DNAJB1: variants seen among roughly 807,000 people sequenced by gnomAD.
DNAJB1 encodes dnaJ homolog subfamily B member 1.
DNAJB1 carries 14 observed loss-of-function variants against 24.0 expected under a neutral mutation model. That is an observed-to-expected ratio of 0.58 (90% CI 0.39 to 0.91). DNAJB1 has a LOEUF of 0.91. DNAJB1 is among the 40% of genes least tolerant of loss of function. DNAJB1 has a pLI of 0.00. For synonymous variants in DNAJB1, 262 were observed against 174.4 expected, an observed-to-expected ratio of 1.50 and a Z score of -3.96; for missense variants, 517 against 458.1, an observed-to-expected ratio of 1.13 and a Z score of -1.17.
At chr19:14,539,010 G>A (rs1289473980) in intron 1 of DNAJB1, among the ~76,000 whole-genome samples, 1 of 144,792 alleles carries the variant, frequency 6.9e-6, no homozygotes, top group Non-Finnish European at 1.5e-5. Context: ...GTCTCGCTCC[G>A]TCACCCAGGC....
chr19:14,524,794 C>T lies in DNAJB1; in HGVS notation c.-90+2932G>A, dbSNP rs933848403. Among the ~76,000 whole-genome samples the T allele has an allele frequency of 1.1e-3, 147 of 136,746 alleles. 1 individual carries two copies. Among genetic ancestry groups the T allele is most frequent in the African/African-American group, 4.1e-3 (142 of 34,622 alleles). 89.7% of individuals were successfully genotyped at this position (136,746 alleles called of 152,430 possible). ...CTAGGAGGTGGAGGTTGCAATGAGC[C>T]GAGATGGTGCCACTGCACTCCAGCC... On this transcript the variant is annotated intron_variant, in intron 2 of 3. Coordinates refer to the DNAJB1 transcript ENST00000396969.
chr19:14,518,504 A>C, upstream of DNAJB1: 7 of 522,778 alleles, frequency 1.3e-5, no homozygotes, highest in Non-Finnish European at 1.7e-5. Context: ...GCGCCGGCCA[A>C]TCGCCGCCGC....
intron 1 of DNAJB1, chr19:14,545,068 T>C: frequency 2.2e-6 from 1 of 456,646 alleles, no homozygotes; most frequent in Admixed American, 2.4e-5. Context: ...CTCTCACCAC[T>C]GTCTCTGAAG....
At chr19:14,516,248 G>T in intron 2 of DNAJB1, 78 bp from the exon 3 acceptor site, 2 of 1,508,996 alleles carry the variant, frequency 1.3e-6, no homozygotes, top group Non-Finnish European at 1.8e-6. Flanking sequence ...GTCTGCCATA[G>T]ATAAGACCCA....
At chr19:14,549,421 C>G (rs953423776) in intron 1 of DNAJB1, among the ~76,000 whole-genome samples, 1 of 151,944 alleles carries the variant, frequency 6.6e-6, no homozygotes, top group African/African-American at 2.4e-5. Context: ...CCATATTGGC[C>G]AGGCTAGTCT....
intron 2 of DNAJB1, among the ~76,000 whole-genome samples, chr19:14,526,157 C>T (rs188801881): frequency 5.9e-5 from 9 of 152,300 alleles, no homozygotes; most frequent in Admixed American, 1.3e-4. Flanking sequence ...TGGAAGCTGC[C>T]GCAGCTTAGG....
intron 1 of DNAJB1, among the ~76,000 whole-genome samples, chr19:14,542,357 T>TGG (rs1568404130): frequency 2.4e-5 from 3 of 122,670 alleles, no homozygotes; most frequent in African/African-American, 9.7e-5. Flanking sequence ...GTTTTTTTTT[T>TGG]TTTTTTTTTT....
At chr19:14,551,797 C>T (rs2073517207), upstream of DNAJB1, among the ~76,000 whole-genome samples, 1 of 152,016 alleles carries the variant, frequency 6.6e-6, no homozygotes, top group Admixed American at 6.6e-5. Flanking sequence ...GGATCGCATC[C>T]AGGGTGGTGG....
upstream of DNAJB1, chr19:14,529,517 C>A: frequency 1.2e-6 from 1 of 804,392 alleles, no homozygotes; most frequent in Non-Finnish European, 2.1e-6. Flanking sequence ...GGAGCAGGGG[C>A]GAACGTGGGC....
chr19:14,535,756 CAA>C (rs1161257175), intron 1 of DNAJB1, among the ~76,000 whole-genome samples: 20 of 51,936 alleles, frequency 3.9e-4, no homozygotes, highest in African/African-American at 1.2e-3. Flanking sequence ...GACTCTGTCT[CAA>C]AAAAAAAAAA....
At chr19:14,540,089 T>G (rs901731719) in intron 1 of DNAJB1, among the ~76,000 whole-genome samples, 13 of 142,764 alleles carry the variant, frequency 9.1e-5, no homozygotes, top group Non-Finnish European at 2.0e-4. Flanking sequence ...AGACGGAGTC[T>G]CGCTCTGTCG....
At chr19:14,535,586 A>ATG (rs2072867876) in intron 1 of DNAJB1, among the ~76,000 whole-genome samples, 3 of 41,076 alleles carry the variant, frequency 7.3e-5, no homozygotes, top group Admixed American at 2.7e-4. Flanking sequence ...ATATATATAT[A>ATG]TATGTATGTA....
upstream of DNAJB1, chr19:14,529,572 G>A (rs772272016): frequency 2.0e-6 from 3 of 1,468,482 alleles, no homozygotes; most frequent in Non-Finnish European, 2.9e-6. Context: ...GGCCTGGAGG[G>A]GCGGGGCGGA....
intron 1 of DNAJB1, among the ~76,000 whole-genome samples, chr19:14,539,140 ATTTTTTTTTTTTT>A (rs57801378): frequency 4.4e-4 from 41 of 92,546 alleles, no homozygotes; most frequent in African/African-American, 1.2e-3. Flanking sequence ...CGCCCGGCTA[ATTTTTTTTTTTTT>A]TTTTTTTTTT....
At chr19:14,523,020 C>T (rs975348476), upstream of DNAJB1, among the ~76,000 whole-genome samples, 2 of 107,474 alleles carry the variant, frequency 1.9e-5, no homozygotes, top group Admixed American at 8.6e-5. Context: ...TTGAGACCAG[C>T]CTGTCCAACG....
At chr19:14,517,142 G>A (rs1254497322) in intron 1 of DNAJB1, 96 bp from the exon 2 acceptor site, 95 of 1,354,382 alleles carry the variant, frequency 7.0e-5, no homozygotes, top group East Asian at 1.9e-4. Flanking sequence ...CCATGGGGGA[G>A]GAACTTTTTT....
chr19:14,548,734 C>T (rs771242737), intron 1 of DNAJB1, among the ~76,000 whole-genome samples: 88 of 152,162 alleles, frequency 5.8e-4, no homozygotes, highest in African/African-American at 2.0e-3. Flanking sequence ...CGCATCACCA[C>T]GTCTGGCTAA....
upstream of DNAJB1, among the ~76,000 whole-genome samples, chr19:14,519,484 C>G (rs915591433): frequency 6.6e-6 from 1 of 152,218 alleles, no homozygotes; most frequent in African/African-American, 2.4e-5. Context: ...TTCTCACCTC[C>G]TAAAGCAAGG....
At chr19:14,553,646 G>C (rs1568418085), upstream of DNAJB1, among the ~76,000 whole-genome samples, 2 of 152,156 alleles carry the variant, frequency 1.3e-5, no homozygotes, top group Non-Finnish European at 2.9e-5. Context: ...GGAGCCGAGA[G>C]GGCTGAGCCG....
Sources: allele counts gnomAD v4.1 joint callset (sites outside exome capture counted in the v4.1 genomes callset), GRCh38; gene constraint gnomAD v4.1.1; transcripts MANE v1.5; gene names NCBI Gene and HGNC (gene_info 2026-07-23, HGNC 2026-07-21).